Variants in AGAP1 observed in about 807,000 individuals in gnomAD.
The protein encoded by AGAP1 is ArfGAP with GTPase domain, ankyrin repeat and PH domain 1, also known as arf-GAP with GTPase, ANK repeat and PH domain-containing protein 1.
AGAP1 carries 29 observed loss-of-function variants against 105.3 expected under a neutral mutation model. The observed-to-expected ratio is 0.28, with a 90% CI of 0.21 to 0.38. The LOEUF is 0.38. Ranked by LOEUF, AGAP1 falls within the 10% of genes least tolerant of loss-of-function variation. The probability of loss-of-function intolerance (pLI) is 1.00; values close to 1 mark genes in which losing one functional copy is unlikely to be tolerated. For missense variants in AGAP1, 998 were observed against 1,165.1 expected (o/e 0.86, Z 2.09); for synonymous variants, 509 against 485.9 (o/e 1.05, Z -0.63).
chr2:235,836,435 T>C (rs536661060), intron 9 of AGAP1, among the ~76,000 whole-genome samples: 1 of 152,290 alleles, frequency 6.6e-6, no homozygotes, highest in Non-Finnish European at 1.5e-5. Flanking sequence ...ATCCACTCCC[T>C]TGTGGGAATG....
chr2:235,654,680 C>A (rs1947717153), intron 1 of AGAP1, among the ~76,000 whole-genome samples: 1 of 152,238 alleles, frequency 6.6e-6, no homozygotes, highest in Non-Finnish European at 1.5e-5. Flanking sequence ...CCGGCCACTT[C>A]TAAAGATGAC....
At chr2:236,026,534 G>T (rs1311650796) in intron 13 of AGAP1, among the ~76,000 whole-genome samples, 1 of 152,192 alleles carries the variant, frequency 6.6e-6, no homozygotes, top group Non-Finnish European at 1.5e-5. Flanking sequence ...TTCGAGACCA[G>T]CCTGGCCAAC....
At chr2:235,944,954 C>T (rs146102703) in intron 12 of AGAP1, among the ~76,000 whole-genome samples, 2 of 151,842 alleles carry the variant, frequency 1.3e-5, no homozygotes, top group South Asian at 2.1e-4. Flanking sequence ...TCCTGGGGGA[C>T]GGTGGTATCG....
chr2:235,748,268 G>A (rs1019984738), intron 5 of AGAP1, among the ~76,000 whole-genome samples: 1 of 152,218 alleles, frequency 6.6e-6, no homozygotes, highest in Non-Finnish European at 1.5e-5. Context: ...ATGCCGCTGA[G>A]GACGGAGGGG....
intron 2 of AGAP1, among the ~76,000 whole-genome samples, chr2:235,713,439 A>G (rs1950948284): frequency 6.6e-6 from 1 of 152,246 alleles, no homozygotes; most frequent in African/African-American, 2.4e-5. Context: ...ACTCACCAGC[A>G]GTGCAGTCAT....
chr2:235,666,363 C>T (rs1235108094), intron 1 of AGAP1, among the ~76,000 whole-genome samples: 3 of 151,986 alleles, frequency 2.0e-5, no homozygotes, highest in African/African-American at 7.3e-5. Context: ...AAAGGCTGGT[C>T]TGGCTTTGTA....
At chr2:235,516,055 T>TCTG (rs112761133) in intron 1 of AGAP1, among the ~76,000 whole-genome samples, 1,816 of 138,134 alleles carry the variant, frequency 0.013, 18 homozygotes, top group South Asian at 0.033. Context: ...CATGGGCTCC[T>TCTG]CTGCTGCTGC....
rs2055711834 is a variant in AGAP1 at position 235,994,649 on chromosome 2, G to GAC, written c.1645+26027_1645+26028dup. Among the ~76,000 whole-genome samples, 2 of 152,162 alleles carry GAC rather than the reference G, an allele frequency of 1.3e-5. No individual in the cohort carries two copies. The highest frequency in any genetic ancestry group is 4.1e-4 in the South Asian group (2 of 4,826). ...ACGCCTCGCAGCCCGATGATACAGA[G>GAC]ACGGGGCAGCAGTGGAGAGCTCGGC... On this transcript the variant is annotated intron_variant, in intron 13 of 17. Coordinates refer to ENST00000304032, the MANE Select transcript of AGAP1 (RefSeq NM_001037131.3). The surrounding 1 kb of genome is among the most constrained non-coding windows in gnomAD (Gnocchi z 4.4).
Position 235,692,722 on chromosome 2 carries a change from C to T in AGAP1, c.164-16457C>T, listed in dbSNP as rs1030210587. Among the ~76,000 whole-genome samples the T allele has an allele frequency of 3.9e-5, 6 of 152,242 alleles. No homozygotes were observed. Among genetic ancestry groups the T allele is most frequent in the Admixed American group, 2.0e-4 (3 of 15,292 alleles). On this transcript the variant is annotated intron_variant, in intron 1 of 17. Transcript: ENST00000304032. The surrounding 1 kb of genome is among the most constrained non-coding windows in gnomAD (Gnocchi z 5.8). Reference sequence around the variant, plus strand: ...CCCGCCAGCCTCCCTGCTTATCCTTCCCTGCCGCCTCGTGTGTCCTGCATG... The same window carrying T: ...CCCGCCAGCCTCCCTGCTTATCCTTTCCTGCCGCCTCGTGTGTCCTGCATG...
chr2:235,653,142 C>T (rs1400570636), intron 1 of AGAP1, among the ~76,000 whole-genome samples: 1 of 152,098 alleles, frequency 6.6e-6, no homozygotes, highest in East Asian at 1.9e-4. Flanking sequence ...TCATACCCTA[C>T]AGCAGCTAAC....
At chr2:235,857,455 G>T (rs2048733942) in intron 9 of AGAP1, among the ~76,000 whole-genome samples, 1 of 152,180 alleles carries the variant, frequency 6.6e-6, no homozygotes, top group Non-Finnish European at 1.5e-5. Context: ...TCAGACACAG[G>T]TTCCTGCCTT....
rs1366209823 is a variant in AGAP1 at position 235,845,889 on chromosome 2, C to G, written c.1051-37456C>G. On this transcript the variant is annotated intron_variant, in intron 9 of 17. Coordinates refer to ENST00000304032, the MANE Select transcript of AGAP1 (RefSeq NM_001037131.3). The surrounding 1 kb of genome is among the most constrained non-coding windows in gnomAD (Gnocchi z 4.8). ...CTGGTTTCCAACCTTCAGTCTGTAG[C>G]CCTCAGATATGCCCTCCTTCCTGCA... Among the ~76,000 whole-genome samples, 2 of 152,006 alleles carry G rather than the reference C, an allele frequency of 1.3e-5. No individual in the cohort carries two copies. The highest frequency in any genetic ancestry group is 2.9e-5 in the Non-Finnish European group (2 of 68,010).
chr2:236,015,783 T>G (rs984037139), intron 13 of AGAP1, among the ~76,000 whole-genome samples: 1 of 152,194 alleles, frequency 6.6e-6, no homozygotes, highest in Non-Finnish European at 1.5e-5. Flanking sequence ...CTAACACTAA[T>G]TGACTTATTT....
At chr2:235,746,463 T>A (rs1229504835) in intron 5 of AGAP1, among the ~76,000 whole-genome samples, 1 of 139,730 alleles carries the variant, frequency 7.2e-6, no homozygotes, top group African/African-American at 2.7e-5. Context: ...CAGAGCTCTG[T>A]TTAATCCTAA....
At chr2:235,878,533 T>C (rs987526863) in intron 9 of AGAP1, among the ~76,000 whole-genome samples, 1 of 152,164 alleles carries the variant, frequency 6.6e-6, no homozygotes, top group African/African-American at 2.4e-5. Flanking sequence ...TCCTGGAATT[T>C]GCTAGTCGGG....
chr2:236,025,701 A>G (rs114618238), intron 13 of AGAP1, among the ~76,000 whole-genome samples: 2,157 of 152,276 alleles, frequency 0.014, 43 homozygotes, highest in African/African-American at 0.048. Flanking sequence ...TCTCTACTGG[A>G]TTAGTCAGAA....
In AGAP1 at chr2:235,994,518, T is replaced by C. The variant is rs2055704387; in HGVS notation, c.1645+25895T>C. ...TCTGGTTTGAAAGTTGAGAAGTAGG[T>C]CATCACTGTCATCGTCATAGTGGGG... On this transcript the variant is annotated intron_variant, in intron 13 of 17. Coordinates refer to ENST00000304032, the MANE Select transcript of AGAP1 (RefSeq NM_001037131.3). This position sits in a 1 kb window ranked among gnomAD's most constrained non-coding sequence, Gnocchi z 4.4. Among the ~76,000 whole-genome samples, 2 of 152,142 alleles carry C rather than the reference T, an allele frequency of 1.3e-5. No individual in the cohort carries two copies.
At position 235,797,875 on chromosome 2, in the gene AGAP1, C is replaced by T. The variant is rs563209639; in HGVS notation, c.790C>T (p.His264Tyr). The T allele has an allele frequency of 6.4e-5, 103 of 1,614,166 alleles. 1 individual carries two copies. The East Asian group carries it at 2.1e-3, about 33-fold the overall frequency. Residue 264 changes from histidine to tyrosine, a missense_variant, in exon 7 of 18, where the codon CAC (histidine) becomes TAC (tyrosine). By Grantham distance (83) the His-to-Tyr change is moderately conservative (BLOSUM62 2). Around this residue, in one of 3 missense-constraint regions of AGAP1, gnomAD observed 735 missense variants for 833.4 expected, o/e 0.88. Coordinates refer to ENST00000304032, the MANE Select transcript of AGAP1 (RefSeq NM_001037131.3). The stretch of plus-strand genomic sequence containing the variant: ...CTGTTCCGCGCAGGTGTCTGCCGTG[C>T]ACATCAGCCAGGTACGTTAGGTGAC... ...SVCSAQVSAV[H>Y]ISQTSNGGGS...
intron 1 of AGAP1, among the ~76,000 whole-genome samples, chr2:235,571,137 C>T (rs1037071823): frequency 6.6e-6 from 1 of 152,110 alleles, no homozygotes; most frequent in African/African-American, 2.4e-5. Context: ...CGTGAGAACT[C>T]CTTATCACAG....
Sources: allele counts gnomAD v4.1 joint callset (sites outside exome capture counted in the v4.1 genomes callset), GRCh38; gene constraint gnomAD v4.1.1; regional missense constraint gnomAD v4.1.1; non-coding constraint Gnocchi (gnomAD v3.1); transcripts MANE v1.5; gene names NCBI Gene and HGNC (gene_info 2026-07-23, HGNC 2026-07-21).